TACR1: variants seen among roughly 807,000 people sequenced by gnomAD.
TACR1 encodes the protein tachykinin receptor 1, also known as substance-P receptor.
Under a neutral mutation model 35.8 loss-of-function variants are expected in TACR1, and 25 were observed. The ratio of observed to expected loss-of-function variants is 0.70; its 90% CI spans 0.51 to 0.98. The LOEUF (loss-of-function observed/expected upper bound fraction) is 0.98. Among genes scored for constraint, TACR1 ranks in the 50% least tolerant of loss-of-function variants. The pLI is 0.00. For missense variants in TACR1, 478 were observed against 522.9 expected, an observed-to-expected ratio of 0.91 and a Z score of 0.84; for synonymous variants, 195 against 206.7, an observed-to-expected ratio of 0.94 and a Z score of 0.48.
intron 2 of TACR1, among the ~76,000 whole-genome samples, chr2:75,094,495 A>C (rs904113301): frequency 6.6e-6 from 1 of 152,088 alleles, no homozygotes; most frequent in Non-Finnish European, 1.5e-5. Context: ...CATTTACAGA[A>C]TGTCAAGTCT....
At chr2:75,110,026 T>C (rs1673720735) in intron 2 of TACR1, among the ~76,000 whole-genome samples, 1 of 152,094 alleles carries the variant, frequency 6.6e-6, no homozygotes, top group Non-Finnish European at 1.5e-5. Context: ...AATGACAAAA[T>C]CCTCTACATA....
At chr2:75,162,239 C>T (rs1223795686) in intron 1 of TACR1, among the ~76,000 whole-genome samples, 2 of 152,054 alleles carry the variant, frequency 1.3e-5, no homozygotes, top group Admixed American at 1.3e-4. Context: ...ATACAGCCAT[C>T]CAATTAAAAG....
chr2:75,053,453 A>T, intron 3 of TACR1, 152 bp downstream of exon 3: 1 of 1,076,970 alleles, frequency 9.3e-7, no homozygotes. Flanking sequence ...TTCCAAAGAC[A>T]CTGAAGAAAG....
chr2:75,076,647 A>T (rs72918509), intron 2 of TACR1, among the ~76,000 whole-genome samples: 1,850 of 152,238 alleles, frequency 0.012, 29 homozygotes, highest in African/African-American at 0.041. Flanking sequence ...GGGAAATGCT[A>T]GTTTGGTAAC....
At chr2:75,173,004 A>G (rs1018004373) in intron 1 of TACR1, among the ~76,000 whole-genome samples, 1 of 152,092 alleles carries the variant, frequency 6.6e-6, no homozygotes, top group African/African-American at 2.4e-5. Flanking sequence ...TATTACTTCT[A>G]AAAATCCTAT....
chr2:75,065,320 A>T (rs1672742421), intron 2 of TACR1, among the ~76,000 whole-genome samples: 1 of 152,194 alleles, frequency 6.6e-6, no homozygotes, highest in Non-Finnish European at 1.5e-5. Flanking sequence ...GTTTTAAACC[A>T]CTGTAGCATG....
chr2:75,051,578 A>G (rs1391286594), intron 3 of TACR1, 131 bp from the exon 4 acceptor site: 17 of 1,480,894 alleles, frequency 1.1e-5, no homozygotes, highest in Non-Finnish European at 1.5e-5. Context: ...ACGCCCCTTC[A>G]AGGAGGAGAA....
chr2:75,180,792 A>G (rs1196546725), intron 1 of TACR1, among the ~76,000 whole-genome samples: 1 of 152,198 alleles, frequency 6.6e-6, no homozygotes, highest in Non-Finnish European at 1.5e-5. Context: ...AATGAACTAA[A>G]TAATAGTTCA....
chr2:75,106,218 T>C (rs1379975219), intron 2 of TACR1, among the ~76,000 whole-genome samples: 1 of 152,004 alleles, frequency 6.6e-6, no homozygotes, highest in Non-Finnish European at 1.5e-5. Flanking sequence ...ACATAAATAA[T>C]ACATGAATTA....
At chr2:75,085,944 C>T (rs560357327) in intron 2 of TACR1, among the ~76,000 whole-genome samples, 8 of 152,238 alleles carry the variant, frequency 5.3e-5, no homozygotes, top group African/African-American at 9.6e-5. Flanking sequence ...TATGTGACAC[C>T]GTAGATTAGT....
intron 1 of TACR1, among the ~76,000 whole-genome samples, chr2:75,157,652 G>C (rs1341733720): frequency 6.6e-6 from 1 of 152,176 alleles, no homozygotes; most frequent in Non-Finnish European, 1.5e-5. Context: ...GGAGTGCCCT[G>C]TCCTTACACT....
At chr2:75,053,225 G>T (rs541024309) in intron 3 of TACR1, among the ~76,000 whole-genome samples, 1 of 152,082 alleles carries the variant, frequency 6.6e-6, no homozygotes, top group Non-Finnish European at 1.5e-5. Flanking sequence ...CCCCTGATCC[G>T]TTCTTCATCA....
At chr2:75,130,439 G>A (rs1266318780) in intron 1 of TACR1, among the ~76,000 whole-genome samples, 1 of 152,226 alleles carries the variant, frequency 6.6e-6, no homozygotes, top group Admixed American at 6.5e-5. Context: ...AAGATGCTGA[G>A]TAATCCTTCT....
At chr2:75,116,104 AT>A (rs201454483) in intron 2 of TACR1, among the ~76,000 whole-genome samples, 1 of 151,578 alleles carries the variant, frequency 6.6e-6, no homozygotes, top group Non-Finnish European at 1.5e-5. Context: ...AAGACACCAC[AT>A]TTTTTTTCTT....
At chr2:75,113,532 C>CTTTTTTTTTTTTTTTTTTTTTTT (rs11437762) in intron 2 of TACR1, among the ~76,000 whole-genome samples, 1 of 92,084 alleles carries the variant, frequency 1.1e-5, no homozygotes, top group African/African-American at 4.5e-5. Flanking sequence ...TTTCTTCTTC[C>CTTTTTTTTTTTTTTTTTTTTTTT]TTTTTTTTTT....
intron 1 of TACR1, among the ~76,000 whole-genome samples, chr2:75,164,520 C>G (rs1000760208): frequency 1.3e-5 from 2 of 151,980 alleles, no homozygotes; most frequent in East Asian, 1.9e-4. Context: ...ATGACCCAGT[C>G]CAACTGAAGC....
rs1676066512 is a variant in TACR1, at chr2:75,198,976, C to T, written c.-42G>A. ...AAAGCCCTACTATCTGTACACAACC[C>T]CCCTCTGCAGCAGAGTCCTGTGGCT... On this transcript the variant is annotated 5_prime_UTR_variant, in exon 1 of 5. Transcript: ENST00000305249. 2 of 1,591,666 alleles carry T rather than the reference C, an allele frequency of 1.3e-6. No homozygotes were observed. Among genetic ancestry groups the T allele is most frequent in the African/African-American group, 1.3e-5 (1 of 74,594 alleles).
chr2:75,174,955 G>A (rs138918835), intron 1 of TACR1, among the ~76,000 whole-genome samples: 118 of 152,292 alleles, frequency 7.7e-4, no homozygotes, highest in African/African-American at 2.7e-3. Flanking sequence ...CAATTCAGGA[G>A]TCTTTATAGA....
intron 1 of TACR1, among the ~76,000 whole-genome samples, chr2:75,128,700 A>G (rs1041723831): frequency 3.9e-5 from 6 of 152,160 alleles, no homozygotes; most frequent in Non-Finnish European, 5.9e-5. Context: ...TTGTAACACA[A>G]TGGAAGGTGA....
Sources: gnomAD v4.1 joint callset for allele counts (sites outside exome capture counted in the v4.1 genomes callset) on GRCh38, gnomAD v4.1.1 for gene constraint, MANE v1.5 for transcripts, NCBI Gene and HGNC (gene_info 2026-07-23, HGNC 2026-07-21) for gene names.